Variants in WLS observed in about 807,000 individuals in gnomAD.
WLS encodes the protein Wnt ligand secretion mediator, also known as protein wntless homolog.
In WLS, 23 loss-of-function variants were observed where a neutral mutation model predicts 62.8. The observed-to-expected ratio is 0.37, with a 90% CI of 0.26 to 0.52. The LOEUF is 0.52. Ranked by LOEUF, WLS falls within the 20% of genes least tolerant of loss-of-function variation. WLS has a pLI of 0.92. For synonymous variants in WLS, 246 were observed against 244.1 expected (o/e 1.01, Z -0.07); for missense variants, 615 against 697.3 (o/e 0.88, Z 1.33).
chr1:68,114,208 C>T (rs899552292), intron 11 of WLS, among the ~76,000 whole-genome samples: 14 of 152,118 alleles, frequency 9.2e-5, no homozygotes, highest in African/African-American at 3.4e-4. Context: ...GCCAAGGTCT[C>T]AGCTTGGGAT....
At chr1:68,223,698 A>C (rs890520291) in intron 1 of WLS, among the ~76,000 whole-genome samples, 2 of 152,226 alleles carry the variant, frequency 1.3e-5, no homozygotes, top group African/African-American at 4.8e-5. Context: ...TGCTTGTAGC[A>C]ATCCCCATGA....
At chr1:68,134,928 GT>G (rs1646583641) in intron 11 of WLS, among the ~76,000 whole-genome samples, 1 of 152,200 alleles carries the variant, frequency 6.6e-6, no homozygotes, top group African/African-American at 2.4e-5. Context: ...CAACATGGTG[GT>G]CTGTAGTCAT....
In WLS at chr1:68,101,729, G is replaced by A. The variant is rs928384512; in HGVS notation, c.1511-2976C>T. Among the ~76,000 whole-genome samples the A allele has an allele frequency of 2.6e-5, 4 of 152,240 alleles. No individual in the cohort carries two copies. The East Asian group carries it at 5.8e-4, about 22-fold the overall frequency. On this transcript the variant is annotated intron_variant, in intron 11 of 11. Coordinates refer to the WLS transcript ENST00000354777. ...GAAATCTAGAAACTTCATGAATTGGGGGTGAGTCTCCCAATGGTGAAAGTT... is the reference window on the plus strand; with the variant it reads ...GAAATCTAGAAACTTCATGAATTGGAGGTGAGTCTCCCAATGGTGAAAGTT...
intron 10 of WLS, chr1:68,142,665 T>C (rs1646701331): frequency 6.6e-6 from 1 of 152,208 alleles, no homozygotes; most frequent in African/African-American, 2.4e-5. Flanking sequence ...AGCAGTGTTG[T>C]AGGTCAAAGC....
At chr1:68,158,483 A>G (rs183476786) in intron 3 of WLS, among the ~76,000 whole-genome samples, 249 of 152,224 alleles carry the variant, frequency 1.6e-3, no homozygotes, top group African/African-American at 5.9e-3. Flanking sequence ...ACGTCATTGT[A>G]TCATCTAGTC....
intron 11 of WLS, among the ~76,000 whole-genome samples, chr1:68,102,162 G>A (rs1448424405): frequency 6.6e-6 from 1 of 152,168 alleles, no homozygotes; most frequent in Admixed American, 6.5e-5. Context: ...CCCTGTGTTA[G>A]AGGAAACATT....
At chr1:68,156,593 A>G (rs1327049240) in intron 3 of WLS, among the ~76,000 whole-genome samples, 1 of 152,204 alleles carries the variant, frequency 6.6e-6, no homozygotes, top group Non-Finnish European at 1.5e-5. Flanking sequence ...CACGGCACAC[A>G]TAACCAATCA....
intron 11 of WLS, among the ~76,000 whole-genome samples, chr1:68,111,232 AC>A (rs1646225325): frequency 6.6e-6 from 1 of 152,186 alleles, no homozygotes; most frequent in African/African-American, 2.4e-5. Flanking sequence ...GCCTTTGGGG[AC>A]CATAGATGAA....
intron 2 of WLS, among the ~76,000 whole-genome samples, chr1:68,183,085 T>A (rs1647682043): frequency 6.6e-6 from 1 of 152,020 alleles, no homozygotes; most frequent in Admixed American, 6.6e-5. Context: ...ATAGACAGGG[T>A]TTCACCATAT....
At chr1:68,229,472 T>C (rs1406938333) in intron 1 of WLS, among the ~76,000 whole-genome samples, 1 of 152,202 alleles carries the variant, frequency 6.6e-6, no homozygotes, top group Non-Finnish European at 1.5e-5. Context: ...GCAATAACAA[T>C]GAGCAGCGGA....
intron 11 of WLS, among the ~76,000 whole-genome samples, chr1:68,117,968 A>G (rs909935813): frequency 8.0e-6 from 1 of 125,204 alleles, no homozygotes; most frequent in African/African-American, 2.9e-5. Context: ...ATATGAATTG[A>G]TGAGAAAAAA....
intron 2 of WLS, among the ~76,000 whole-genome samples, chr1:68,166,387 A>G (rs910127270): frequency 3.3e-5 from 5 of 152,224 alleles, no homozygotes; most frequent in African/African-American, 4.8e-5. Flanking sequence ...CTCCTTCATC[A>G]GAGGCTAACA....
At chr1:68,124,400 G>A (rs1034655449), downstream of WLS, among the ~76,000 whole-genome samples, 2 of 152,202 alleles carry the variant, frequency 1.3e-5, no homozygotes, top group African/African-American at 2.4e-5. Flanking sequence ...CCTGATCGCC[G>A]ACCTTATCCA....
chr1:68,222,532 C>A (rs1401718802), intron 1 of WLS, among the ~76,000 whole-genome samples: 3 of 152,078 alleles, frequency 2.0e-5, no homozygotes, highest in African/African-American at 7.2e-5. Context: ...TCTTTAATAG[C>A]CTTAGACAGA....
chr1:68,227,277 G>T, intron 1 of WLS, among the ~76,000 whole-genome samples: 1 of 152,046 alleles, frequency 6.6e-6, no homozygotes, highest in Non-Finnish European at 1.5e-5. Context: ...AATTAGCTGG[G>T]CGTGGTAGCA....
chr1:68,227,324 G>A (rs1397459009), intron 1 of WLS, among the ~76,000 whole-genome samples: 1 of 151,448 alleles, frequency 6.6e-6, no homozygotes, highest in Non-Finnish European at 1.5e-5. Context: ...GGCTGAGGCA[G>A]GAGAATCACT....
chr1:68,129,052 C>T (rs539601114), intron 11 of WLS, among the ~76,000 whole-genome samples: 8 of 152,256 alleles, frequency 5.3e-5, no homozygotes, highest in South Asian at 4.1e-4. Flanking sequence ...CAGCCGGGTG[C>T]GGTGGCTCAC....
At chr1:68,210,573 A>G (rs1266326087) in intron 1 of WLS, among the ~76,000 whole-genome samples, 1 of 152,200 alleles carries the variant, frequency 6.6e-6, no homozygotes, top group Non-Finnish European at 1.5e-5. Flanking sequence ...AAAGATCCTA[A>G]CAGGAAGGTC....
intron 11 of WLS, among the ~76,000 whole-genome samples, chr1:68,104,253 C>T (rs1448112758): frequency 1.3e-5 from 2 of 151,914 alleles, no homozygotes; most frequent in Non-Finnish European, 2.9e-5. Context: ...TCACACGAAA[C>T]TCTTCTTTAT....
Sources: gnomAD v4.1 joint callset for allele counts (sites outside exome capture counted in the v4.1 genomes callset) on GRCh38, gnomAD v4.1.1 for gene constraint, MANE v1.5 for transcripts, NCBI Gene and HGNC (gene_info 2026-07-23, HGNC 2026-07-21) for gene names.